Variants in SOX5 observed in about 807,000 individuals in gnomAD.
The protein encoded by SOX5 is transcription factor SOX-5.
Under a neutral mutation model 92.0 loss-of-function variants are expected in SOX5, and 9 were observed. The observed-to-expected ratio is 0.10, with a 90% CI of 0.06 to 0.17. The LOEUF (loss-of-function observed/expected upper bound fraction) is 0.17, where lower values mean the gene tolerates loss of function less well. Among genes scored for constraint, SOX5 ranks in the 10% least tolerant of loss-of-function variants. The pLI is 1.00. For missense variants in SOX5, 642 were observed against 944.5 expected, an observed-to-expected ratio of 0.68 and a Z score of 4.20; for synonymous variants, 344 against 336.3, an observed-to-expected ratio of 1.02 and a Z score of -0.25.
chr12:23,993,925 A>G (rs971910532), intron 4 of SOX5, among the ~76,000 whole-genome samples: 15 of 151,734 alleles, frequency 9.9e-5, no homozygotes, highest in Non-Finnish European at 1.5e-4. Context: ...GCATGTATGC[A>G]TGTATGTGTG....
intron 4 of SOX5, among the ~76,000 whole-genome samples, chr12:24,158,917 G>A (rs982171910): frequency 1.3e-5 from 2 of 151,842 alleles, no homozygotes; most frequent in Non-Finnish European, 1.5e-5. Flanking sequence ...ATGAATCAAT[G>A]AAGTTGGTTT....
chr12:23,996,504 A>C (rs887282502), intron 4 of SOX5, among the ~76,000 whole-genome samples: 1 of 152,212 alleles, frequency 6.6e-6, no homozygotes, highest in Admixed American at 6.5e-5. Flanking sequence ...ATACTTGGAC[A>C]TTAAGTGTTC....
intron 4 of SOX5, among the ~76,000 whole-genome samples, chr12:24,201,305 TTGAAAATC>T (rs1957493958): frequency 6.6e-6 from 1 of 152,212 alleles, no homozygotes; most frequent in Admixed American, 6.5e-5. Context: ...ACAGACTCCT[TTGAAAATC>T]TGATAAAATC....
chr12:23,652,999 T>C (rs1018407825), intron 7 of SOX5, among the ~76,000 whole-genome samples: 2 of 150,392 alleles, frequency 1.3e-5, no homozygotes, highest in Admixed American at 6.7e-5. Context: ...GATGAATGAA[T>C]ATGGATGGAT....
intron 4 of SOX5, among the ~76,000 whole-genome samples, chr12:24,106,206 T>C (rs200414458): frequency 6.7e-6 from 1 of 148,504 alleles, no homozygotes; most frequent in Non-Finnish European, 1.5e-5. Context: ...AAAAAAAAAA[T>C]TAGCCCAACA....
At chr12:24,556,288 A>G (rs1032877063) in intron 1 of SOX5, among the ~76,000 whole-genome samples, 2 of 152,208 alleles carry the variant, frequency 1.3e-5, no homozygotes, top group African/African-American at 2.4e-5. Context: ...ACTTTCCTTT[A>G]TCTTTGCTTA....
chr12:23,892,089 C>T (rs2097134999), intron 2 of SOX5, among the ~76,000 whole-genome samples: 2 of 151,836 alleles, frequency 1.3e-5, no homozygotes, highest in African/African-American at 2.4e-5. Context: ...AAAAGGAATA[C>T]AGTATATAAA....
chr12:24,548,466 C>T (rs756896481), intron 1 of SOX5, among the ~76,000 whole-genome samples: 38 of 152,128 alleles, frequency 2.5e-4, no homozygotes, highest in South Asian at 1.0e-3. Context: ...AAAAGGAAGA[C>T]ATAAAGAGGT....
At chr12:23,699,969 GCT>G (rs1238845897) in intron 6 of SOX5, among the ~76,000 whole-genome samples, 1 of 152,032 alleles carries the variant, frequency 6.6e-6, no homozygotes, top group African/African-American at 2.4e-5. Flanking sequence ...CATGTGACTT[GCT>G]CTGTTTTATA....
intron 1 of SOX5, among the ~76,000 whole-genome samples, chr12:24,423,157 A>C (rs978634575): frequency 2.6e-5 from 4 of 152,238 alleles, no homozygotes; most frequent in Non-Finnish European, 5.9e-5. Flanking sequence ...CTTCCCTACT[A>C]AACAGAGAAA....
intron 3 of SOX5, among the ~76,000 whole-genome samples, chr12:24,243,098 T>A (rs2140083682): frequency 6.6e-6 from 1 of 152,258 alleles, no homozygotes; most frequent in Admixed American, 6.5e-5. Flanking sequence ...TTTTGCTTTC[T>A]CCTGAATATT....
intron 3 of SOX5, among the ~76,000 whole-genome samples, chr12:23,809,631 C>A (rs2095842014): frequency 1.5e-5 from 2 of 136,892 alleles, no homozygotes; most frequent in African/African-American, 2.7e-5. Context: ...AAAAAAAAAA[C>A]TAATACTCAA....
intron 8 of SOX5, among the ~76,000 whole-genome samples, chr12:23,639,706 C>A (rs1268807093): frequency 2.0e-5 from 3 of 152,180 alleles, no homozygotes; most frequent in African/African-American, 7.2e-5. Flanking sequence ...ATGTTATTAA[C>A]CTCTGTAGAA....
intron 1 of SOX5, among the ~76,000 whole-genome samples, chr12:23,911,026 T>C (rs2097346378): frequency 1.3e-5 from 2 of 152,144 alleles, no homozygotes; most frequent in Admixed American, 1.3e-4. Flanking sequence ...CCTATTATTT[T>C]TTCTTATGAA....
At position 23,530,557 on chromosome 12, in the gene SOX5, T is replaced by G. The variant is rs944415224; in HGVS notation, c.*3662A>C. Reference sequence around the variant, plus strand: ...TTAACTCTTAACTGCAGATGCCAAATGAACTTCACAAATGGACTTCACTAA... The same window carrying G: ...TTAACTCTTAACTGCAGATGCCAAAGGAACTTCACAAATGGACTTCACTAA... On this transcript the variant is annotated 3_prime_UTR_variant, in exon 15 of 15. Coordinates refer to ENST00000451604, the MANE Select transcript of SOX5 (RefSeq NM_006940.6). 3 of 152,208 alleles carry G rather than the reference T, an allele frequency of 2.0e-5. No homozygotes were observed. The highest frequency in any genetic ancestry group is 7.2e-5 in the African/African-American group (3 of 41,456). 9.4% of individuals were successfully genotyped at this position (152,208 alleles called of 1,614,324 possible).
chr12:24,245,274 T>TGTGTGTGC (rs984874059), intron 3 of SOX5, among the ~76,000 whole-genome samples: 6 of 147,556 alleles, frequency 4.1e-5, no homozygotes, highest in African/African-American at 1.5e-4. Flanking sequence ...TGTGTGTGTG[T>TGTGTGTGC]GCCTTCTACT....
intron 6 of SOX5, among the ~76,000 whole-genome samples, chr12:23,731,658 A>C (rs935178262): frequency 6.6e-6 from 1 of 152,174 alleles, no homozygotes; most frequent in Non-Finnish European, 1.5e-5. Context: ...TCAAATGAAA[A>C]AAATTGCCCA....
chr12:23,621,793 T>G (rs1373411101), intron 8 of SOX5, among the ~76,000 whole-genome samples: 2 of 152,136 alleles, frequency 1.3e-5, no homozygotes, highest in African/African-American at 4.8e-5. Context: ...ACAAGAGCTA[T>G]GAGATCAACC....
chr12:24,532,963 G>T (rs1951321068), intron 1 of SOX5, among the ~76,000 whole-genome samples: 1 of 152,144 alleles, frequency 6.6e-6, no homozygotes, highest in Non-Finnish European at 1.5e-5. Flanking sequence ...AGAAAACTCA[G>T]AATTTCAATA....
Sources: allele counts gnomAD v4.1 joint callset (sites outside exome capture counted in the v4.1 genomes callset), GRCh38; gene constraint gnomAD v4.1.1; transcripts MANE v1.5; gene names NCBI Gene and HGNC (gene_info 2026-07-23, HGNC 2026-07-21).